Variants in TMC1 observed in about 807,000 individuals in gnomAD.
The protein encoded by TMC1 is transmembrane channel-like protein 1.
Under a neutral mutation model 105.8 loss-of-function variants are expected in TMC1, and 84 were observed. That is an observed-to-expected ratio of 0.79 (90% CI 0.67 to 0.95). TMC1 has a LOEUF of 0.95. TMC1 is among the 40% of genes least tolerant of loss of function. The pLI is 0.00. For missense variants in TMC1, 817 were observed against 914.1 expected, an observed-to-expected ratio of 0.89 and a Z score of 1.37; for synonymous variants, 315 against 311.5, an observed-to-expected ratio of 1.01 and a Z score of -0.12.
At chr9:72,709,009 T>C (rs1251640731) in intron 8 of TMC1, among the ~76,000 whole-genome samples, 2 of 145,344 alleles carry the variant, frequency 1.4e-5, no homozygotes, top group East Asian at 3.9e-4. Context: ...TATTTTTTTT[T>C]CGGGGGGGTG....
intron 1 of TMC1, among the ~76,000 whole-genome samples, chr9:72,541,225 C>T (rs1051550962): frequency 6.6e-6 from 1 of 152,192 alleles, no homozygotes; most frequent in Non-Finnish European, 1.5e-5. Context: ...TTACACCAAC[C>T]AGTGTTATCA....
chr9:72,694,589 C>A lies in TMC1; in HGVS notation c.111C>A (p.Ser37Arg). Residue 37 changes from serine (S) to arginine (R), a missense_variant, in exon 7 of 24, where the codon AGC becomes AGA. Transcript: ENST00000297784. ...EVEDKLPRRESLRPKRKRTRD... is the reference protein window; with the variant it reads ...EVEDKLPRRERLRPKRKRTRD... ...AAGATAAGCTACCTCGAAGAGAGAG[C>A]TTGAGACCAAAGAGGAAACGGACCA... is the stretch of plus-strand genomic sequence containing the variant. 2.5e-6 allele frequency: 4 copies of A among 1,612,964 alleles called. No individual in the cohort carries two copies. In the South Asian group the frequency reaches 4.4e-5, roughly 18 times the overall value.
rs145234604 is a variant in TMC1 at position 72,589,469 on chromosome 9, G to A, written c.-306+11446G>A. 4.9e-3 allele frequency among the ~76,000 whole-genome samples: 752 copies of A among 152,266 alleles called. 3 individuals are homozygous for A. The highest frequency in any genetic ancestry group is 0.016 in the African/African-American group (662 of 41,550). On this transcript the variant is annotated intron_variant, in intron 2 of 23. Transcript: ENST00000297784. ...TTTTTTCTATTAAATGTATATTTTT[G>A]TAATGATAGCTTAAGTTTCATCTCA... is the stretch of plus-strand genomic sequence containing the variant.
chr9:72,584,417 C>T (rs1824520964), intron 2 of TMC1, among the ~76,000 whole-genome samples: 1 of 152,054 alleles, frequency 6.6e-6, no homozygotes, highest in Admixed American at 6.5e-5. Flanking sequence ...AGCTGCATGC[C>T]ACCATACCCA....
At chr9:72,541,283 A>C (rs1007260349) in intron 1 of TMC1, among the ~76,000 whole-genome samples, 2 of 152,222 alleles carry the variant, frequency 1.3e-5, no homozygotes, top group African/African-American at 4.8e-5. Flanking sequence ...ACCAAACTTA[A>C]GACTTGTTGG....
chr9:72,646,867 G>A (rs555420808), intron 4 of TMC1, among the ~76,000 whole-genome samples: 1 of 151,840 alleles, frequency 6.6e-6, no homozygotes, highest in Non-Finnish European at 1.5e-5. Flanking sequence ...CTGTTGGGCT[G>A]GGCATGGTGG....
chr9:72,792,114 C>G lies in TMC1; in HGVS notation c.1404+49C>G, dbSNP rs12003753. On this transcript the variant is annotated intron_variant, in intron 16 of 23. Transcript: ENST00000297784. ...CTTGCCATAAGAGTGTTGTTCAATTCCCAGTCTCAAGTTTGCCAGAAATGC... is the reference window on the plus strand; with the variant it reads ...CTTGCCATAAGAGTGTTGTTCAATTGCCAGTCTCAAGTTTGCCAGAAATGC... 1.1e-3 allele frequency: 1,701 copies of G among 1,613,016 alleles called. 11 individuals carry two copies. In the African/African-American group the frequency reaches 0.02, roughly 19 times the overall value.
chr9:72,799,625 C>T lies in TMC1; in HGVS notation c.1567-5757C>T, dbSNP rs1828436299. Reference sequence around the variant, plus strand: ...TGATATATGCTATTAATTTGATTTTCAGACATGCACATTTCATACAACTTA... The same window carrying T: ...TGATATATGCTATTAATTTGATTTTTAGACATGCACATTTCATACAACTTA... On this transcript the variant is annotated intron_variant, in intron 17 of 23. Coordinates refer to ENST00000297784, the MANE Select transcript of TMC1 (RefSeq NM_138691.3). Among the ~76,000 whole-genome samples the T allele has an allele frequency of 2.0e-5, 3 of 151,994 alleles. 1 individual carries two copies. In the South Asian group the frequency reaches 6.2e-4, roughly 31 times the overall value.
intron 19 of TMC1, chr9:72,817,027 T>C (rs1366615969): frequency 1.3e-5 from 2 of 152,210 alleles, no homozygotes; most frequent in Non-Finnish European, 2.9e-5. Flanking sequence ...CATTGTCCTA[T>C]TCACAAGTGC....
chr9:72,744,090 G>T (rs1443833912), intron 10 of TMC1, among the ~76,000 whole-genome samples: 2 of 152,118 alleles, frequency 1.3e-5, no homozygotes, highest in Non-Finnish European at 2.9e-5. Context: ...GCTAACCCTC[G>T]GTTCCCTGTC....
chr9:72,724,211 G>A (rs2117957330), intron 8 of TMC1, among the ~76,000 whole-genome samples: 1 of 152,316 alleles, frequency 6.6e-6, no homozygotes, highest in South Asian at 2.1e-4. Context: ...ATAAAGAAAG[G>A]AAATTTATTG....
chr9:72,665,398 A>T (rs1474604226), intron 5 of TMC1, among the ~76,000 whole-genome samples: 1 of 152,238 alleles, frequency 6.6e-6, no homozygotes, highest in East Asian at 1.9e-4. Flanking sequence ...GGACTCTGGC[A>T]CTATTTTCCT....
chr9:72,714,676 G>A (rs912270715), intron 8 of TMC1, among the ~76,000 whole-genome samples: 1 of 152,024 alleles, frequency 6.6e-6, no homozygotes, highest in African/African-American at 2.4e-5. Context: ...CGTCAGATGG[G>A]TCTCCTGAAT....
At position 72,629,094 on chromosome 9, in the gene TMC1, C is replaced by T. The variant is rs558669976; in HGVS notation, c.-53+1031C>T. Among the ~76,000 whole-genome samples the T allele has an allele frequency of 6.5e-4, 99 of 152,186 alleles. No homozygotes were observed. The Middle Eastern group carries it at 0.017, about 26-fold the overall frequency. On this transcript the variant is annotated intron_variant, in intron 4 of 23. Transcript: ENST00000297784. The stretch of plus-strand genomic sequence containing the variant: ...CTATGTTCATTTTCTCTTCTATATT[C>T]AAAATAATCCTATAAGGTGTGCTTT...
At position 72,809,806 on chromosome 9, in the gene TMC1, T is replaced by A. The variant is rs192605310; in HGVS notation, c.1695+4296T>A. Among the ~76,000 whole-genome samples, 12 of 152,156 alleles carry A rather than the reference T, an allele frequency of 7.9e-5. No individual in the cohort carries two copies. In the East Asian group the frequency reaches 2.3e-3, roughly 29 times the overall value. On this transcript the variant is annotated intron_variant, in intron 18 of 23. Coordinates refer to ENST00000297784, the MANE Select transcript of TMC1 (RefSeq NM_138691.3). The stretch of plus-strand genomic sequence containing the variant: ...CCCACTAGGGAGAAATTGGCTGGAG[T>A]TGAGAAACCACTGCCATCTGCAGTT...
At chr9:72,543,952 C>CTTTCTTTCTTTTT (rs376392146) in intron 1 of TMC1, among the ~76,000 whole-genome samples, 3 of 134,340 alleles carry the variant, frequency 2.2e-5, no homozygotes, top group African/African-American at 8.6e-5. Flanking sequence ...TTCTTTCTTT[C>CTTTCTTTCTTTTT]TTTTTTTTTT....
chr9:72,672,602 T>G (rs1398391026), intron 5 of TMC1, among the ~76,000 whole-genome samples: 2 of 152,042 alleles, frequency 1.3e-5, no homozygotes, highest in South Asian at 2.1e-4. Context: ...TATTTTAAAC[T>G]AATAAAATAT....
intron 5 of TMC1, among the ~76,000 whole-genome samples, chr9:72,664,543 A>C (rs907721765): frequency 6.6e-6 from 1 of 152,184 alleles, no homozygotes; most frequent in African/African-American, 2.4e-5. Context: ...ATGAGCAGAC[A>C]AACAGAAGAG....
chr9:72,549,589 C>T (rs1160824012), intron 1 of TMC1, among the ~76,000 whole-genome samples: 10 of 149,932 alleles, frequency 6.7e-5, no homozygotes, highest in African/African-American at 9.9e-5. Flanking sequence ...ATTACAGGCA[C>T]GTACCACCAC....
Sources: gnomAD v4.1 joint callset for allele counts (sites outside exome capture counted in the v4.1 genomes callset) on GRCh38, gnomAD v4.1.1 for gene constraint, MANE v1.5 for transcripts, NCBI Gene and HGNC (gene_info 2026-07-23, HGNC 2026-07-21) for gene names.